Variants in DLC1 observed in about 807,000 individuals in gnomAD.
The protein encoded by DLC1 is DLC1 Rho GTPase activating protein, also known as rho GTPase-activating protein 7.
A neutral mutation model predicts 140.3 loss-of-function variants in DLC1; 54 were observed. The observed-to-expected ratio is 0.38, with a 90% confidence interval of 0.31 to 0.48. The LOEUF (loss-of-function observed/expected upper bound fraction) is 0.48, where lower values mean the gene tolerates loss of function less well. Ranked by LOEUF, DLC1 falls within the 20% of genes least tolerant of loss-of-function variation. DLC1 has a pLI of 0.96. For missense variants in DLC1, 2,536 were observed against 1,907.0 expected (o/e 1.33, Z -6.14); for synonymous variants, 986 against 728.1 (o/e 1.35, Z -5.70).
intron 4 of DLC1, among the ~76,000 whole-genome samples, chr8:13,346,421 G>A (rs894452025): frequency 2.0e-5 from 3 of 152,136 alleles, no homozygotes; most frequent in South Asian, 2.1e-4. Flanking sequence ...ACAAGTTGTC[G>A]TCCGAATGTT....
chr8:13,192,435 C>T (rs928877445), intron 5 of DLC1, among the ~76,000 whole-genome samples: 1 of 152,138 alleles, frequency 6.6e-6, no homozygotes, highest in African/African-American at 2.4e-5. Flanking sequence ...TTTGAAGATT[C>T]AAGTCTTTTT....
chr8:13,365,039 A>G (rs1022040977), intron 4 of DLC1, among the ~76,000 whole-genome samples: 1 of 152,202 alleles, frequency 6.6e-6, no homozygotes, highest in African/African-American at 2.4e-5. Flanking sequence ...CAACTAGGAC[A>G]CGTGTCTTGC....
At position 13,431,482 on chromosome 8, in the gene DLC1, C is replaced by CAAAAAAAAAAAAA. The variant is rs56057254; in HGVS notation, c.1024-29876_1024-29864dup. On this transcript the variant is annotated intron_variant, in intron 2 of 17. Coordinates refer to ENST00000276297, the MANE Select transcript of DLC1 (RefSeq NM_182643.3). Reference sequence around the variant, plus strand: ...TGGGCCACAGAGCGAGACTCCGTCTCAAAAAAAAAAAAAAAAAAAAAAAAA... The same window carrying CAAAAAAAAAAAAA: ...TGGGCCACAGAGCGAGACTCCGTCTCAAAAAAAAAAAAAAAAAAAAAAAAAAAAAAAAAAAAAA... Among the ~76,000 whole-genome samples, 48 of 40,614 alleles carry CAAAAAAAAAAAAA rather than the reference C, an allele frequency of 1.2e-3. 6 individuals carry two copies. The highest frequency in any genetic ancestry group is 1.3e-3 in the Non-Finnish European group (33 of 25,406). The allele number at this position is 40,614 out of a possible 152,430, so 26.6% of individuals were successfully genotyped here.
chr8:13,468,446 T>A (rs1483876483), intron 2 of DLC1, among the ~76,000 whole-genome samples: 2 of 145,834 alleles, frequency 1.4e-5, no homozygotes, highest in Non-Finnish European at 3.0e-5. Flanking sequence ...GGTGGTGGGA[T>A]CATAGGTCAC....
intron 4 of DLC1, among the ~76,000 whole-genome samples, chr8:13,366,353 T>G (rs992565193): frequency 3.3e-5 from 5 of 152,150 alleles, no homozygotes; most frequent in African/African-American, 1.2e-4. Flanking sequence ...TATGATGATA[T>G]CGTAGTGATT....
chr8:13,382,529 A>AAAAAAAAAAAAAAAAGAAAG (rs557423876), intron 4 of DLC1, among the ~76,000 whole-genome samples: 2 of 109,432 alleles, frequency 1.8e-5, no homozygotes, highest in African/African-American at 3.6e-5. Context: ...AAAAAAAAAA[A>AAAAAAAAAAAAAAAAGAAAG]AAAGAAAGAG....
intron 5 of DLC1, among the ~76,000 whole-genome samples, chr8:13,244,185 T>C (rs1829659219): frequency 6.6e-6 from 1 of 152,340 alleles, no homozygotes; most frequent in South Asian, 2.1e-4. Flanking sequence ...CAGGCTATGA[T>C]AATCTTTCTC....
chr8:13,333,584 C>T (rs377433865), intron 4 of DLC1, among the ~76,000 whole-genome samples: 2 of 152,260 alleles, frequency 1.3e-5, no homozygotes, highest in South Asian at 4.1e-4. Context: ...AACTGCTTAA[C>T]GAGGGCATTT....
chr8:13,441,622 G>T (rs1798513169), intron 2 of DLC1, among the ~76,000 whole-genome samples: 1 of 152,016 alleles, frequency 6.6e-6, no homozygotes, highest in Non-Finnish European at 1.5e-5. Context: ...GCTTCAAAGG[G>T]AATAAAATAC....
At chr8:13,175,943 G>T (rs531248210) in intron 5 of DLC1, among the ~76,000 whole-genome samples, 1 of 152,110 alleles carries the variant, frequency 6.6e-6, no homozygotes, top group East Asian at 1.9e-4. Flanking sequence ...TTCATTTACA[G>T]AATGTTATAT....
At chr8:13,597,706 A>T (rs1805729122) in intron 1 of DLC1, among the ~76,000 whole-genome samples, 1 of 152,072 alleles carries the variant, frequency 6.6e-6, no homozygotes, top group South Asian at 2.1e-4. Flanking sequence ...GATACAGAAA[A>T]TGTGTGTATA....
At chr8:13,493,849 C>G (rs998443822) in intron 2 of DLC1, among the ~76,000 whole-genome samples, 1 of 152,130 alleles carries the variant, frequency 6.6e-6, no homozygotes, top group Non-Finnish European at 1.5e-5. Context: ...CCCCCATCAG[C>G]ATTCAGGGGA....
chr8:13,087,223 G>T (rs1817639437), intron 16 of DLC1, among the ~76,000 whole-genome samples: 1 of 152,142 alleles, frequency 6.6e-6, no homozygotes, highest in African/African-American at 2.4e-5. Context: ...ACAATATGGT[G>T]ACACCATGTC....
chr8:13,336,759 T>G (rs980924929), intron 4 of DLC1, among the ~76,000 whole-genome samples: 2 of 152,204 alleles, frequency 1.3e-5, no homozygotes, highest in Non-Finnish European at 2.9e-5. Flanking sequence ...TAGTGTTAAT[T>G]AATCAATTAA....
chr8:13,171,795 C>G (rs1245120721), intron 5 of DLC1, among the ~76,000 whole-genome samples: 1 of 152,138 alleles, frequency 6.6e-6, no homozygotes, highest in African/African-American at 2.4e-5. Context: ...AGCTAGAGTA[C>G]TTGGAGGCTC....
At chr8:13,273,090 A>C (rs1329163742) in intron 5 of DLC1, among the ~76,000 whole-genome samples, 1 of 152,204 alleles carries the variant, frequency 6.6e-6, no homozygotes, top group African/African-American at 2.4e-5. Context: ...TATTCTGAGA[A>C]GTGATCCATA....
At chr8:13,475,595 C>G (rs1563379889) in intron 2 of DLC1, among the ~76,000 whole-genome samples, 1 of 152,146 alleles carries the variant, frequency 6.6e-6, no homozygotes, top group Non-Finnish European at 1.5e-5. Context: ...AGTAGTTTCA[C>G]AACGAAAAGA....
chr8:13,564,361 T>C (rs948485883), intron 1 of DLC1, among the ~76,000 whole-genome samples: 1 of 152,200 alleles, frequency 6.6e-6, no homozygotes, highest in African/African-American at 2.4e-5. Context: ...ACAGTGAGAT[T>C]CTTGTCACAT....
At chr8:13,398,470 A>C (rs1837150347) in intron 3 of DLC1, among the ~76,000 whole-genome samples, 1 of 152,090 alleles carries the variant, frequency 6.6e-6, no homozygotes, top group Non-Finnish European at 1.5e-5. Context: ...GCCAATAATT[A>C]AATCAAGAAA....
Sources: allele counts gnomAD v4.1 joint callset (sites outside exome capture counted in the v4.1 genomes callset), GRCh38; gene constraint gnomAD v4.1.1; transcripts MANE v1.5; gene names NCBI Gene and HGNC (gene_info 2026-07-23, HGNC 2026-07-21).